Variants in CHCHD3 observed in about 807,000 individuals in gnomAD.
The protein encoded by CHCHD3 is MICOS complex subunit MIC19.
Under a neutral mutation model 38.2 loss-of-function variants are expected in CHCHD3, and 20 were observed. That is an observed-to-expected ratio of 0.52 (90% CI 0.37 to 0.76). The LOEUF (loss-of-function observed/expected upper bound fraction) is 0.76. Ranked by LOEUF, CHCHD3 falls within the 30% of genes least tolerant of loss-of-function variation. The pLI, the probability that CHCHD3 is intolerant of heterozygous loss-of-function variation, is 0.00. For missense variants in CHCHD3, 245 were observed against 279.2 expected (o/e 0.88, Z 0.87); for synonymous variants, 82 against 100.0 (o/e 0.82, Z 1.07).
intron 5 of CHCHD3, among the ~76,000 whole-genome samples, chr7:132,869,006 C>CA (rs924234511): frequency 1.3e-4 from 19 of 151,152 alleles, no homozygotes; most frequent in Admixed American, 1.1e-3. Context: ...TTAACAACAA[C>CA]AAAAAAAAAC....
chr7:132,960,076 C>T (rs901335204), intron 4 of CHCHD3, among the ~76,000 whole-genome samples: 2 of 152,112 alleles, frequency 1.3e-5, no homozygotes, highest in Non-Finnish European at 2.9e-5. Context: ...TCAGAATTGA[C>T]GGAGGCTTTT....
At chr7:132,909,023 CA>C (rs1216627130) in intron 4 of CHCHD3, among the ~76,000 whole-genome samples, 1 of 152,106 alleles carries the variant, frequency 6.6e-6, no homozygotes, top group Non-Finnish European at 1.5e-5. Context: ...CAGTTATCCC[CA>C]TGCTGTTCTC....
intron 4 of CHCHD3, among the ~76,000 whole-genome samples, chr7:132,957,295 C>T (rs1811201449): frequency 6.6e-6 from 1 of 152,246 alleles, no homozygotes. Flanking sequence ...GGTAAGTTGA[C>T]CCCATCTACT....
rs185959657 is a variant in CHCHD3 at position 132,967,474 on chromosome 7, G to A, written c.369+7695C>T. On this transcript the variant is annotated intron_variant, in intron 4 of 7. Coordinates refer to ENST00000262570, the MANE Select transcript of CHCHD3 (RefSeq NM_017812.4). ...TCAGCATAATATTGAGCTTCTCAGA[G>A]GCTATTTGGTGATGTTAAGATCCTA... Among the ~76,000 whole-genome samples the A allele has an allele frequency of 1.4e-4, 22 of 152,082 alleles. No individual in the cohort carries two copies. In the East Asian group the frequency reaches 4.3e-3, roughly 29 times the overall value.
chr7:132,787,443 G>A (rs921177465), intron 7 of CHCHD3, among the ~76,000 whole-genome samples: 2 of 152,102 alleles, frequency 1.3e-5, no homozygotes, highest in African/African-American at 2.4e-5. Context: ...CCAAGGTATG[G>A]GAGGATCCTT....
intron 3 of CHCHD3, among the ~76,000 whole-genome samples, chr7:133,022,881 T>C (rs1813230676): frequency 6.9e-6 from 1 of 144,048 alleles, no homozygotes; most frequent in Admixed American, 6.9e-5. Context: ...CACAGTGAGT[T>C]ATTTTAACAA....
At chr7:133,080,017 G>A (rs1815123108) in intron 1 of CHCHD3, among the ~76,000 whole-genome samples, 1 of 152,190 alleles carries the variant, frequency 6.6e-6, no homozygotes, top group Non-Finnish European at 1.5e-5. Flanking sequence ...GTACTCAGTT[G>A]CATTATTTTG....
intron 3 of CHCHD3, among the ~76,000 whole-genome samples, chr7:133,001,015 T>C (rs1812557456): frequency 6.6e-6 from 1 of 152,198 alleles, no homozygotes; most frequent in South Asian, 2.1e-4. Flanking sequence ...TCTCGCCTCA[T>C]AACATACAGC....
intron 5 of CHCHD3, among the ~76,000 whole-genome samples, chr7:132,868,286 A>T (rs1226326698): frequency 1.3e-5 from 2 of 152,224 alleles, no homozygotes; most frequent in African/African-American, 4.8e-5. Context: ...AGAGAAAAAA[A>T]TTATTAGATG....
intron 5 of CHCHD3, among the ~76,000 whole-genome samples, chr7:132,879,716 T>TAAAAAAAAAAAAA (rs56259114): frequency 7.0e-4 from 27 of 38,430 alleles, no homozygotes; most frequent in East Asian, 1.2e-3. Flanking sequence ...TTGTCAAAAG[T>TAAAAAAAAAAAAA]AAAAAAAAAA....
intron 6 of CHCHD3, among the ~76,000 whole-genome samples, chr7:132,807,606 A>AT (rs1806956322): frequency 2.8e-5 from 3 of 108,924 alleles, no homozygotes; most frequent in Admixed American, 9.3e-5. Flanking sequence ...CATACACATA[A>AT]ATATATATAT....
intron 4 of CHCHD3, among the ~76,000 whole-genome samples, chr7:132,890,310 G>A (rs758949634): frequency 9.2e-5 from 14 of 152,104 alleles, no homozygotes; most frequent in Admixed American, 1.3e-4. Context: ...TACAACAAAG[G>A]CTATAATAAA....
intron 4 of CHCHD3, among the ~76,000 whole-genome samples, chr7:132,905,921 T>C (rs1411666151): frequency 6.6e-6 from 1 of 152,192 alleles, no homozygotes; most frequent in East Asian, 1.9e-4. Context: ...CAGACAAATA[T>C]ATTAAGCATA....
intron 7 of CHCHD3, 127 bp from the exon 8 acceptor site, chr7:132,785,787 A>G: frequency 1.0e-6 from 1 of 969,366 alleles, no homozygotes; most frequent in Non-Finnish European, 1.6e-6. Flanking sequence ...AAAACAAGGC[A>G]TATGCTTCCT....
intron 6 of CHCHD3, chr7:132,813,487 T>C (rs1466457571): frequency 3.3e-5 from 5 of 152,202 alleles, no homozygotes; most frequent in Non-Finnish European, 7.4e-5. Flanking sequence ...CCTCATTTCC[T>C]ACTGTTTAAC....
chr7:132,940,971 A>G (rs1183940583), intron 4 of CHCHD3, among the ~76,000 whole-genome samples: 1 of 152,096 alleles, frequency 6.6e-6, no homozygotes, highest in Admixed American at 6.6e-5. Context: ...ATTCCAATAT[A>G]ACCCAAGAAG....
intron 3 of CHCHD3, among the ~76,000 whole-genome samples, chr7:133,018,492 T>C (rs1026564810): frequency 5.3e-5 from 8 of 152,374 alleles, no homozygotes; most frequent in Admixed American, 5.2e-4. Context: ...TCAATATTAG[T>C]TATCAATAGT....
intron 1 of CHCHD3, among the ~76,000 whole-genome samples, chr7:133,076,498 T>C (rs978166024): frequency 6.6e-6 from 1 of 152,206 alleles, no homozygotes; most frequent in Admixed American, 6.5e-5. Flanking sequence ...CTGTCCACCC[T>C]ATTCTCTATT....
chr7:133,046,292 T>C (rs1182391270), intron 2 of CHCHD3, among the ~76,000 whole-genome samples: 1 of 152,210 alleles, frequency 6.6e-6, no homozygotes, highest in Non-Finnish European at 1.5e-5. Flanking sequence ...AAATAAAGTA[T>C]GCATTTCCTT....
Sources: gnomAD v4.1 joint callset for allele counts (sites outside exome capture counted in the v4.1 genomes callset) on GRCh38, gnomAD v4.1.1 for gene constraint, MANE v1.5 for transcripts, NCBI Gene and HGNC (gene_info 2026-07-23, HGNC 2026-07-21) for gene names.